PDE9A: variants seen among roughly 807,000 people sequenced by gnomAD.
The protein encoded by PDE9A is high affinity cGMP-specific 3',5'-cyclic phosphodiesterase 9A.
A neutral mutation model predicts 87.4 loss-of-function variants in PDE9A; 60 were observed. The observed-to-expected ratio is 0.69, with a 90% CI of 0.56 to 0.85. The LOEUF is 0.85. Ranked by LOEUF, PDE9A falls within the 40% of genes least tolerant of loss-of-function variation. The pLI, the probability that PDE9A is intolerant of heterozygous loss-of-function variation, is 0.00. For synonymous variants in PDE9A, 272 were observed against 279.4 expected (o/e 0.97, Z 0.27); for missense variants, 665 against 779.0 (o/e 0.85, Z 1.74).
intron 10 of PDE9A, chr21:42,757,808 A>G (rs1318376941): frequency 6.6e-6 from 1 of 152,160 alleles, no homozygotes; most frequent in Non-Finnish European, 1.5e-5. Flanking sequence ...TCTAATGAAG[A>G]CACTAGTCCC....
chr21:42,761,016 G>A (rs879526720), intron 13 of PDE9A, 109 bp downstream of exon 13: 27 of 747,506 alleles, frequency 3.6e-5, no homozygotes, highest in South Asian at 3.2e-4. Flanking sequence ...TGTCAACGAC[G>A]GCCTCCCAGC....
At chr21:42,710,907 G>C (rs1275371361) in intron 4 of PDE9A, among the ~76,000 whole-genome samples, 1 of 152,180 alleles carries the variant, frequency 6.6e-6, no homozygotes, top group South Asian at 2.1e-4. Flanking sequence ...AGAATCGCTT[G>C]AACCCAGGAG....
intron 16 of PDE9A, 115 bp downstream of exon 16, chr21:42,768,407 C>T: frequency 2.0e-6 from 2 of 1,021,004 alleles, no homozygotes; most frequent in Non-Finnish European, 2.9e-6. Context: ...GGGCTGCCGA[C>T]AGTTCAGCCT....
chr21:42,762,290 G>C, intron 14 of PDE9A, 51 bp downstream of exon 14: 2 of 1,571,314 alleles, frequency 1.3e-6, no homozygotes, highest in Non-Finnish European at 1.7e-6. Context: ...TTCAGGGACA[G>C]AGCAGCCCCC....
At chr21:42,753,010 T>A (rs189978150) in intron 9 of PDE9A, among the ~76,000 whole-genome samples, 1,714 of 123,614 alleles carry the variant, frequency 0.014, 33 homozygotes, top group African/African-American at 0.044. Flanking sequence ...TTGCCCTTTT[T>A]TTATTATTAT....
In PDE9A at chr21:42,731,928, G is replaced by T. The variant is rs756510720; in HGVS notation, c.421G>T (p.Glu141Ter). ...RPREPQGCYQ[E>*]GQRIPPEREE... ...CAGAGAGCCCCAGGGCTGCTACCAG[G>T]AAGGCCAGCGCATCCCTCCAGGTAA... is the stretch of plus-strand genomic sequence containing the variant. The change falls in exon 5 of 20, where the codon GAA becomes TAA. Residue 141 changes from glutamate to a stop codon, truncating the protein, a stop_gained. Coordinates refer to ENST00000291539, the MANE Select transcript of PDE9A (RefSeq NM_002606.3). LOFTEE classifies it high-confidence loss of function. 1 of 1,613,808 alleles carries T rather than the reference G, an allele frequency of 6.2e-7. No individual in the cohort carries two copies. The highest frequency in any genetic ancestry group is 1.1e-5 in the South Asian group (1 of 91,064).
rs2052868847 is a variant in PDE9A at position 42,739,465 on chromosome 21, C to T, written c.569-4311C>T. On this transcript the variant is annotated intron_variant, in intron 7 of 19. Transcript: ENST00000291539. This position sits in a 1 kb window ranked among gnomAD's most constrained non-coding sequence, Gnocchi z 4.1. ...CACAGGCACACACATCCACCACATG[C>T]TCACCTCTGCCTCCTCCTGCAGACC... Among the ~76,000 whole-genome samples the T allele has an allele frequency of 6.6e-6, 1 of 152,216 alleles. No homozygotes were observed.
At chr21:42,745,458 C>T (rs2053746378) in intron 8 of PDE9A, among the ~76,000 whole-genome samples, 1 of 152,240 alleles carries the variant, frequency 6.6e-6, no homozygotes, top group East Asian at 1.9e-4. Flanking sequence ...GCTGGAGGCT[C>T]TTTAAAGGAC....
In PDE9A at chr21:42,765,455, G is replaced by A. The variant is rs2056302151; in HGVS notation, c.1317G>A (p.Met439Ile). The A allele has an allele frequency of 6.2e-7, 1 of 1,612,388 alleles. No individual in the cohort carries two copies. The highest frequency in any genetic ancestry group is 8.5e-7 in the Non-Finnish European group (1 of 1,178,602). The stretch of plus-strand genomic sequence containing the variant: ...TTATGGATTCTTTCAAAGAGAAAAT[G>A]GAGAATTTTGACTACAGCAACGAGG... ...AEIMDSFKEK[M>I]ENFDYSNEEH... Residue 439 changes from methionine (M) to isoleucine (I), a missense_variant, in exon 15 of 20, where the codon ATG becomes ATA. Met to Ile is a conservative substitution (Grantham distance 10). Coordinates refer to ENST00000291539, the MANE Select transcript of PDE9A (RefSeq NM_002606.3).
intron 3 of PDE9A, among the ~76,000 whole-genome samples, chr21:42,693,166 C>T (rs1057007753): frequency 2.6e-5 from 4 of 152,228 alleles, no homozygotes; most frequent in African/African-American, 7.2e-5. Context: ...GAGAGCGAGA[C>T]GCATGCCCGT....
chr21:42,711,237 G>A (rs1336730735), intron 4 of PDE9A, among the ~76,000 whole-genome samples: 1 of 149,670 alleles, frequency 6.7e-6, no homozygotes, highest in Non-Finnish European at 1.5e-5. Context: ...AGTACTTCTT[G>A]TGTCTTCTCT....
At chr21:42,725,405 A>G (rs1026472333) in intron 4 of PDE9A, among the ~76,000 whole-genome samples, 4 of 151,648 alleles carry the variant, frequency 2.6e-5, no homozygotes, top group African/African-American at 9.7e-5. Flanking sequence ...ATGCCTGGCT[A>G]ATTTTGTATT....
At position 42,653,644 on chromosome 21, in the gene PDE9A, G is replaced by T. The variant is rs1430488436; in HGVS notation, c.-171G>T. The T allele has an allele frequency of 1.2e-5, 2 of 161,360 alleles. No homozygotes were observed. The highest frequency in any genetic ancestry group is 2.5e-5 in the African/African-American group (1 of 40,376). The allele number at this position is 161,360 out of a possible 1,614,324, so 10.0% of individuals were successfully genotyped here. On this transcript the variant is annotated 5_prime_UTR_variant, in exon 1 of 20. Coordinates refer to ENST00000291539, the MANE Select transcript of PDE9A (RefSeq NM_002606.3). Reference sequence around the variant, plus strand: ...CCGAGCGGAGGAGACCCTGCGGCGCGCGGCGGCGGCTCCCGGGCGTCCCGG... The same window carrying T: ...CCGAGCGGAGGAGACCCTGCGGCGCTCGGCGGCGGCTCCCGGGCGTCCCGG...
At position 42,653,865 on chromosome 21, in the gene PDE9A, C is replaced by G. The variant is rs1353797800; in HGVS notation, c.51C>G (p.Ile17Met). ...SYRPKAIYLD[I>M]DGRIQKVIFS... Reference sequence around the variant, plus strand: ...GGCCCAAGGCCATCTACCTGGACATCGATGGACGCATTCAGAAGGTAGCCC... The same window carrying G: ...GGCCCAAGGCCATCTACCTGGACATGGATGGACGCATTCAGAAGGTAGCCC... The change falls in exon 1 of 20, where the codon ATC becomes ATG. Residue 17 changes from isoleucine to methionine, a missense_variant. Ile to Met is a conservative substitution (Grantham distance 10). Transcript: ENST00000291539. 6.4e-7 allele frequency: 1 copy of G among 1,565,320 alleles called. No individual in the cohort carries two copies. The highest frequency in any genetic ancestry group is 8.7e-7 in the Non-Finnish European group (1 of 1,155,182).
At chr21:42,768,335 T>C (rs1458040978) in intron 16 of PDE9A, 43 bp downstream of exon 16, 2 of 1,239,312 alleles carry the variant, frequency 1.6e-6, no homozygotes, top group Admixed American at 3.4e-5. Context: ...CCACTCTTAT[T>C]AGCCCCACTT....
chr21:42,715,432 G>A (rs976883648), intron 4 of PDE9A, among the ~76,000 whole-genome samples: 8 of 152,006 alleles, frequency 5.3e-5, no homozygotes, highest in African/African-American at 1.4e-4. Flanking sequence ...TTCAAGACCA[G>A]ACTGGCCAAC....
chr21:42,760,488 C>T lies in PDE9A; in HGVS notation c.1002+56C>T. On this transcript the variant is annotated intron_variant, in intron 12 of 19. Coordinates refer to ENST00000291539, the MANE Select transcript of PDE9A (RefSeq NM_002606.3). This position sits in a 1 kb window ranked among gnomAD's most constrained non-coding sequence, Gnocchi z 5.2. The stretch of plus-strand genomic sequence containing the variant: ...CTACTCTCGGGGGTCAGACGGAGGC[C>T]CCCTTCCAGGGAGCGGCAGCCCCAT... 9.0e-7 allele frequency: 1 copy of T among 1,112,760 alleles called. No homozygotes were observed. The highest frequency in any genetic ancestry group is 1.3e-6 in the Non-Finnish European group (1 of 752,394). The allele number at this position is 1,112,760 out of a possible 1,614,324, so 68.9% of individuals were successfully genotyped here.
At chr21:42,743,149 C>A (rs936867198) in intron 7 of PDE9A, among the ~76,000 whole-genome samples, 2 of 152,214 alleles carry the variant, frequency 1.3e-5, no homozygotes, top group African/African-American at 4.8e-5. Flanking sequence ...AGATCTCTTT[C>A]ACTGTCTCAG....
intron 7 of PDE9A, among the ~76,000 whole-genome samples, chr21:42,742,185 AG>A (rs1193752677): frequency 2.6e-5 from 4 of 152,172 alleles, no homozygotes; most frequent in Non-Finnish European, 1.5e-5. Context: ...ACACCTTTGC[AG>A]TGGGACTCTG....
Sources: gnomAD v4.1 joint callset for allele counts (sites outside exome capture counted in the v4.1 genomes callset) on GRCh38, gnomAD v4.1.1 for gene constraint, Gnocchi (gnomAD v3.1) non-coding constraint, MANE v1.5 for transcripts, NCBI Gene and HGNC (gene_info 2026-07-23, HGNC 2026-07-21) for gene names.